Variants in BNC2 observed in about 807,000 individuals in gnomAD.
BNC2 encodes zinc finger protein basonuclin-2.
A neutral mutation model predicts 76.3 loss-of-function variants in BNC2; 20 were observed. That is an observed-to-expected ratio of 0.26 (90% CI 0.18 to 0.38). BNC2 has a LOEUF of 0.38. BNC2 is among the 10% of genes least tolerant of loss of function. The pLI, the probability that BNC2 is intolerant of heterozygous loss-of-function variation, is 1.00. For missense variants in BNC2, 1,382 were observed against 1,399.8 expected, an observed-to-expected ratio of 0.99 and a Z score of 0.20; for synonymous variants, 582 against 514.8, an observed-to-expected ratio of 1.13 and a Z score of -1.77.
intron 1 of BNC2, among the ~76,000 whole-genome samples, chr9:16,752,329 C>T (rs982475525): frequency 6.6e-6 from 1 of 152,196 alleles, no homozygotes; most frequent in African/African-American, 2.4e-5. Flanking sequence ...AAGCCTACTG[C>T]TTTAAATACA....
At position 16,699,437 on chromosome 9, in the gene BNC2, A is replaced by G. The variant is rs182320503; in HGVS notation, c.330+28360T>C. The stretch of plus-strand genomic sequence containing the variant: ...CAGTGACTGATTCTCAGTGAAGAGT[A>G]AGAAAGAAGAGATTTCTCTCCACCC... On this transcript the variant is annotated intron_variant, in intron 3 of 6. Transcript: ENST00000380672. Among the ~76,000 whole-genome samples, 531 of 152,346 alleles carry G rather than the reference A, an allele frequency of 3.5e-3. 4 individuals are homozygous for G. Among genetic ancestry groups the G allele is most frequent in the African/African-American group, 0.012 (519 of 41,578 alleles).
intron 5 of BNC2, among the ~76,000 whole-genome samples, chr9:16,465,135 G>C (rs188116611): frequency 6.6e-6 from 1 of 152,164 alleles, no homozygotes; most frequent in Non-Finnish European, 1.5e-5. Context: ...ACAGGAGTAA[G>C]ATTGAAATGT....
intron 5 of BNC2, among the ~76,000 whole-genome samples, chr9:16,438,822 C>T (rs943849574): frequency 2.6e-5 from 4 of 152,118 alleles, no homozygotes; most frequent in African/African-American, 9.7e-5. Context: ...GTAGAAATCA[C>T]GCCATCATGT....
chr9:16,556,676 G>A (rs1479852759), intron 4 of BNC2, among the ~76,000 whole-genome samples: 1 of 151,444 alleles, frequency 6.6e-6, no homozygotes, highest in South Asian at 2.1e-4. Context: ...GCTGAGGCAG[G>A]AGAATCGCTG....
intron 3 of BNC2, among the ~76,000 whole-genome samples, chr9:16,651,751 G>A (rs1430608732): frequency 6.6e-6 from 1 of 152,160 alleles, no homozygotes; most frequent in African/African-American, 2.4e-5. Flanking sequence ...AGTGATTTAT[G>A]TCTCTGTCCA....
At chr9:16,420,489 T>TA (rs972051010) in intron 6 of BNC2, among the ~76,000 whole-genome samples, 6 of 151,770 alleles carry the variant, frequency 4.0e-5, no homozygotes, top group African/African-American at 7.3e-5. Context: ...CCCACCTTTT[T>TA]AAAAAAAATC....
rs542861268 is a variant in BNC2 at position 16,618,081 on chromosome 9, A to C, written c.331-34996T>G. 2.6e-5 allele frequency among the ~76,000 whole-genome samples: 4 copies of C among 152,308 alleles called. No homozygotes were observed. The East Asian group carries it at 7.7e-4, about 29-fold the overall frequency. On this transcript the variant is annotated intron_variant, in intron 3 of 6. Transcript: ENST00000380672. ...GGGGCTACCTATTCTACGTGCCCTC[A>C]CTGACAGACCTGTAACAATGCCATC...
chr9:16,545,332 T>G (rs561333529), intron 5 of BNC2, among the ~76,000 whole-genome samples: 69 of 152,346 alleles, frequency 4.5e-4, no homozygotes, highest in Non-Finnish European at 9.1e-4. Flanking sequence ...TTCACTATCA[T>G]ATTAATAGTT....
chr9:16,435,191 T>C (rs1563781113), intron 6 of BNC2: 2 of 391,086 alleles, frequency 5.1e-6, no homozygotes, highest in Non-Finnish European at 5.0e-6. Flanking sequence ...TATAAATATA[T>C]ATATAACAGA....
intron 5 of BNC2, among the ~76,000 whole-genome samples, chr9:16,443,892 A>G (rs1821179074): frequency 6.6e-6 from 1 of 152,222 alleles, no homozygotes; most frequent in South Asian, 2.1e-4. Context: ...AATGTTGTAC[A>G]CCATGATTGT....
chr9:16,860,260 G>A (rs1054571736), intron 1 of BNC2, among the ~76,000 whole-genome samples: 1 of 152,162 alleles, frequency 6.6e-6, no homozygotes, highest in Admixed American at 6.6e-5. Flanking sequence ...GAAGTTGTAG[G>A]ACTCACACTT....
chr9:16,441,666 CTTTTT>C (rs965341645), intron 5 of BNC2, among the ~76,000 whole-genome samples: 11 of 152,206 alleles, frequency 7.2e-5, no homozygotes, highest in African/African-American at 2.4e-4. Flanking sequence ...TGGCTCTTTT[CTTTTT>C]TTAACTCATC....
intron 1 of BNC2, among the ~76,000 whole-genome samples, chr9:16,780,852 T>C (rs1018890582): frequency 1.3e-5 from 2 of 152,092 alleles, no homozygotes. Flanking sequence ...AGAAAAAAAA[T>C]GTTTACTTTA....
chr9:16,723,988 T>G (rs1824242007), intron 3 of BNC2, among the ~76,000 whole-genome samples: 1 of 152,106 alleles, frequency 6.6e-6, no homozygotes, highest in Non-Finnish European at 1.5e-5. Context: ...TGTTGTTAAT[T>G]TTGTTACATC....
In BNC2 at chr9:16,515,945, A is replaced by G. The variant is rs901479656; in HGVS notation, c.669+36585T>C. Among the ~76,000 whole-genome samples, 155 of 51,756 alleles carry G rather than the reference A, an allele frequency of 3.0e-3. 1 individual carries two copies. The highest frequency in any genetic ancestry group is 4.2e-3 in the South Asian group (6 of 1,418). The allele number at this position is 51,756 out of a possible 152,430, so 34.0% of individuals were successfully genotyped here. On this transcript the variant is annotated intron_variant, in intron 5 of 6. Coordinates refer to ENST00000380672, the MANE Select transcript of BNC2 (RefSeq NM_017637.6). ...TGAGAGGAAAACACTTCCAAAAGGG[A>G]AAAAAAAAAAAGTCAGACTGCCACT...
chr9:16,808,906 A>C (rs1817977443), intron 1 of BNC2, among the ~76,000 whole-genome samples: 1 of 152,040 alleles, frequency 6.6e-6, no homozygotes, highest in South Asian at 2.1e-4. Flanking sequence ...TACTTCCCAG[A>C]CCAAAAAACA....
Position 16,436,246 on chromosome 9 carries a change from C to A in BNC2, c.1948G>T (p.Ala650Ser). The part of the protein sequence containing the change: ...VKIEKEIIDT[A>S]DEFDDEDDDP... ...TCATCTTCATCATCAAACTCATCGG[C>A]GGTATCAATAATTTCCTTCTCAATC... is the stretch of plus-strand genomic sequence containing the variant. The change falls in exon 6 of 7, where the codon GCC (alanine) becomes TCC (serine). Residue 650 changes from alanine (A) to serine (S), a missense_variant. This residue lies in a region of BNC2 where 798 missense variants were observed against 775.5 expected (regional missense o/e 1.03). Transcript: ENST00000380672. 6.2e-7 allele frequency: 1 copy of A among 1,614,110 alleles called. No homozygotes were observed. The highest frequency in any genetic ancestry group is 8.5e-7 in the Non-Finnish European group (1 of 1,180,022).
intron 5 of BNC2, among the ~76,000 whole-genome samples, chr9:16,493,254 C>T (rs1822315322): frequency 6.6e-6 from 1 of 152,178 alleles, no homozygotes; most frequent in African/African-American, 2.4e-5. Context: ...CCAGTGCATC[C>T]TGATAGGTTT....
At chr9:16,754,255 C>T (rs899067985) in intron 1 of BNC2, among the ~76,000 whole-genome samples, 3 of 152,052 alleles carry the variant, frequency 2.0e-5, no homozygotes, top group African/African-American at 7.2e-5. Flanking sequence ...ATGAAATGTC[C>T]CTGAGCGCCA....
Sources: gnomAD v4.1 joint callset for allele counts (sites outside exome capture counted in the v4.1 genomes callset) on GRCh38, gnomAD v4.1.1 for gene constraint, gnomAD v4.1.1 regional missense constraint, MANE v1.5 for transcripts, NCBI Gene and HGNC (gene_info 2026-07-23, HGNC 2026-07-21) for gene names.